Variants in DOCK2 observed in about 807,000 individuals in gnomAD.
The protein encoded by DOCK2 is dedicator of cytokinesis protein 2.
A neutral mutation model predicts 248.9 loss-of-function variants in DOCK2; 87 were observed. The observed-to-expected ratio is 0.35, with a 90% CI of 0.29 to 0.42. DOCK2 has a LOEUF of 0.42. Among genes scored for constraint, DOCK2 ranks in the 10% least tolerant of loss-of-function variants. DOCK2 has a pLI of 1.00. For missense variants in DOCK2, 1,747 were observed against 2,300.2 expected, an observed-to-expected ratio of 0.76 and a Z score of 4.92; for synonymous variants, 805 against 821.6, an observed-to-expected ratio of 0.98 and a Z score of 0.35.
At position 169,925,578 on chromosome 5, in the gene DOCK2, T is replaced by TAAAAAAAAAAAAAAAA. The variant is rs1561828965; in HGVS notation, c.2800-57490_2800-57489insAAAAAAAAAAAAAAAA. ...CTGGGCGACAGAGCAAGACTCTGTC[T>TAAAAAAAAAAAAAAAA]TAAAAAAAAAAAAAAAAAAAAAAAA... On this transcript the variant is annotated intron_variant, in intron 27 of 51. Coordinates refer to ENST00000520908, the MANE Select transcript of DOCK2 (RefSeq NM_004946.3). Among the ~76,000 whole-genome samples the TAAAAAAAAAAAAAAAA allele has an allele frequency of 9.3e-5, 3 of 32,324 alleles. 1 individual carries two copies. The highest frequency in any genetic ancestry group is 3.8e-4 in the African/African-American group (3 of 7,838). The allele number at this position is 32,324 out of a possible 152,430, so 21.2% of individuals were successfully genotyped here.
intron 27 of DOCK2, among the ~76,000 whole-genome samples, chr5:169,868,124 C>T (rs1437479214): frequency 6.6e-6 from 1 of 152,200 alleles, no homozygotes; most frequent in South Asian, 2.1e-4. Context: ...TTGTACAAAA[C>T]ATTCCATCCA....
At chr5:169,840,066 GA>G (rs1769847879) in intron 26 of DOCK2, among the ~76,000 whole-genome samples, 1 of 152,118 alleles carries the variant, frequency 6.6e-6, no homozygotes, top group African/African-American at 2.4e-5. Context: ...AATTTTTAAA[GA>G]AAAAAGGTTT....
chr5:170,057,150 T>G, intron 43 of DOCK2: 2 of 353,518 alleles, frequency 5.7e-6, no homozygotes, highest in Non-Finnish European at 1.1e-5. Flanking sequence ...GTCTCCTCTG[T>G]GTGTGTCCAG....
chr5:169,712,166 G>A lies in DOCK2; in HGVS notation c.1602G>A (p.Leu534=). 1 of 1,614,118 alleles carries A rather than the reference G, an allele frequency of 6.2e-7. No individual in the cohort carries two copies. ...ACTTTGCCATGTCCTATGTGAAGCT[G>A]ATGAAAGAAGATGGGACTACTCTAC... ...EKNFAMSYVK[L]MKEDGTTLHD... Residue 534 remains leucine, a synonymous_variant, in exon 17 of 52, where the codon CTG becomes CTA. Transcript: ENST00000520908.
intron 26 of DOCK2, among the ~76,000 whole-genome samples, chr5:169,831,437 CT>C (rs1289994492): frequency 6.6e-6 from 1 of 152,220 alleles, no homozygotes; most frequent in Non-Finnish European, 1.5e-5. Context: ...GTGCACACAA[CT>C]GTTTGTCTTA....
intron 32 of DOCK2, among the ~76,000 whole-genome samples, chr5:170,017,775 TCAGG>T (rs1755585010): frequency 6.6e-6 from 1 of 152,162 alleles, no homozygotes; most frequent in Non-Finnish European, 1.5e-5. Context: ...ATTTACACAC[TCAGG>T]CCGTCTGGCT....
intron 26 of DOCK2, among the ~76,000 whole-genome samples, chr5:169,825,120 A>G (rs558943673): frequency 1.3e-5 from 2 of 152,322 alleles, no homozygotes; most frequent in Non-Finnish European, 2.9e-5. Context: ...TCAGGAAACA[A>G]CAGGTGCTGG....
At chr5:170,059,132 G>A (rs1216791486) in intron 44 of DOCK2, among the ~76,000 whole-genome samples, 1 of 151,894 alleles carries the variant, frequency 6.6e-6, no homozygotes, top group Non-Finnish European at 1.5e-5. Flanking sequence ...CAGGCACCTG[G>A]CTTGGACTCT....
intron 30 of DOCK2, among the ~76,000 whole-genome samples, chr5:170,004,402 G>A (rs943251365): frequency 7.2e-5 from 11 of 152,266 alleles, no homozygotes; most frequent in African/African-American, 2.6e-4. Context: ...TAGTGGTTTT[G>A]ATTTGCATTT....
chr5:169,815,271 C>T (rs1767994444), intron 26 of DOCK2, among the ~76,000 whole-genome samples: 2 of 152,224 alleles, frequency 1.3e-5, no homozygotes, highest in African/African-American at 2.4e-5. Flanking sequence ...AATAAGAAGA[C>T]AGCTTTTGCT....
chr5:169,952,446 C>G (rs1394187759), intron 27 of DOCK2, among the ~76,000 whole-genome samples: 3 of 152,082 alleles, frequency 2.0e-5, no homozygotes, highest in Non-Finnish European at 4.4e-5. Flanking sequence ...AGAAGTAGCA[C>G]TGAGTCAGAT....
chr5:169,973,682 A>G (rs1273124664), intron 27 of DOCK2, among the ~76,000 whole-genome samples: 2 of 152,188 alleles, frequency 1.3e-5, no homozygotes, highest in East Asian at 1.9e-4. Context: ...CGGTATTGGT[A>G]CCTCATACAG....
chr5:169,772,394 T>C (rs1473124371), intron 25 of DOCK2, among the ~76,000 whole-genome samples: 1 of 152,238 alleles, frequency 6.6e-6, no homozygotes, highest in Non-Finnish European at 1.5e-5. Flanking sequence ...AGTTTCTTTT[T>C]GTATTTGATA....
At chr5:169,752,361 G>A (rs1166239956) in intron 23 of DOCK2, among the ~76,000 whole-genome samples, 1 of 152,046 alleles carries the variant, frequency 6.6e-6, no homozygotes, top group Non-Finnish European at 1.5e-5. Context: ...GGAGGGCAGG[G>A]GACTCTGCCA....
chr5:170,027,274 T>C (rs12660046), intron 33 of DOCK2, among the ~76,000 whole-genome samples: 62,083 of 151,864 alleles, frequency 0.41, 13,452 homozygotes, highest in East Asian at 0.58. Flanking sequence ...GGAGCTAGGC[T>C]TGTGTCAGGT....
intron 27 of DOCK2, among the ~76,000 whole-genome samples, chr5:169,912,298 C>T (rs927300890): frequency 7.2e-5 from 11 of 151,944 alleles, no homozygotes; most frequent in African/African-American, 2.7e-4. Context: ...GAGCCCAAGC[C>T]GTTATTTATG....
At chr5:169,638,939 G>A (rs985697554) in intron 1 of DOCK2, among the ~76,000 whole-genome samples, 2 of 152,164 alleles carry the variant, frequency 1.3e-5, no homozygotes, top group Non-Finnish European at 2.9e-5. Context: ...CATGGGTAAA[G>A]GCAGGGAACT....
At chr5:170,055,261 C>A in intron 41 of DOCK2, 44 bp from the exon 42 acceptor site, 1 of 1,590,056 alleles carries the variant, frequency 6.3e-7, no homozygotes, top group South Asian at 1.1e-5. Context: ...TTAAAACTGT[C>A]CCCGCAGCCA....
At chr5:170,070,915 G>A (rs1476393822) in intron 46 of DOCK2, among the ~76,000 whole-genome samples, 1 of 152,226 alleles carries the variant, frequency 6.6e-6, no homozygotes, top group African/African-American at 2.4e-5. Flanking sequence ...AAAGCCGGAA[G>A]GCTTTGAAAG....
Sources: gnomAD v4.1 joint callset for allele counts (sites outside exome capture counted in the v4.1 genomes callset) on GRCh38, gnomAD v4.1.1 for gene constraint, MANE v1.5 for transcripts, NCBI Gene and HGNC (gene_info 2026-07-23, HGNC 2026-07-21) for gene names.